Variants in CORIN observed in about 807,000 individuals in gnomAD.
CORIN encodes the protein atrial natriuretic peptide-converting enzyme.
A neutral mutation model predicts 125.3 loss-of-function variants in CORIN; 117 were observed. That is an observed-to-expected ratio of 0.93 (90% CI 0.80 to 1.09). CORIN has a LOEUF of 1.09. Among genes scored for constraint, CORIN ranks in the 50% least tolerant of loss-of-function variants. CORIN has a pLI of 0.00. For missense variants in CORIN, 1,253 were observed against 1,306.7 expected (o/e 0.96, Z 0.63); for synonymous variants, 450 against 466.4 (o/e 0.96, Z 0.45).
intron 19 of CORIN, among the ~76,000 whole-genome samples, chr4:47,623,117 T>TATACACACAC (rs141525347): frequency 7.4e-6 from 1 of 134,550 alleles, no homozygotes; most frequent in Non-Finnish European, 1.5e-5. Flanking sequence ...TATATATATA[T>TATACACACAC]ACACACACAC....
At chr4:47,690,996 T>C (rs1204303251) in intron 6 of CORIN, among the ~76,000 whole-genome samples, 1 of 152,228 alleles carries the variant, frequency 6.6e-6, no homozygotes, top group East Asian at 1.9e-4. Flanking sequence ...GATATGTTCA[T>C]GGGAAAGGGC....
At position 47,665,058 on chromosome 4, in the gene CORIN, A is replaced by G; in HGVS notation, c.1563T>C (p.Asn521=). The part of the protein sequence containing the change: ...CTILVPKCDV[N]TGEHIPPCRA... ...TGCAAGGAGGGATATGCTCGCCTGT[A>G]TTCACATCACATTTTGGTACCAAAA... is the stretch of plus-strand genomic sequence containing the variant. Residue 521 remains asparagine (N), a synonymous_variant, in exon 11 of 22, where the codon AAT becomes AAC. Transcript: ENST00000273857. The G allele has an allele frequency of 6.2e-7, 1 of 1,612,408 alleles. No homozygotes were observed. The highest frequency in any genetic ancestry group is 1.1e-5 in the South Asian group (1 of 91,050).
chr4:47,714,110 T>G (rs1726982309), intron 5 of CORIN, among the ~76,000 whole-genome samples: 1 of 152,184 alleles, frequency 6.6e-6, no homozygotes, highest in African/African-American at 2.4e-5. Context: ...TCTCAACACC[T>G]TACTCTTTAA....
chr4:47,767,759 C>T (rs569229094), intron 3 of CORIN, among the ~76,000 whole-genome samples: 94 of 152,278 alleles, frequency 6.2e-4, no homozygotes, highest in African/African-American at 2.2e-3. Flanking sequence ...ATCGACACCA[C>T]ATAAATGCAA....
chr4:47,623,881 C>T lies in CORIN; in HGVS notation c.2365+18G>A. ...CAATTAAGTTCATATCCCATTGCCA[C>T]ACCTCTAATTCTCTCACCTTGTTTA... is the stretch of plus-strand genomic sequence containing the variant. On this transcript the variant is annotated intron_variant, in intron 18 of 21. Transcript: ENST00000273857. 1 of 1,612,360 alleles carries T rather than the reference C, an allele frequency of 6.2e-7. No homozygotes were observed. Among genetic ancestry groups the T allele is most frequent in the Non-Finnish European group, 8.5e-7 (1 of 1,178,372 alleles).
At chr4:47,762,946 C>G (rs1023514414) in intron 4 of CORIN, among the ~76,000 whole-genome samples, 3 of 152,192 alleles carry the variant, frequency 2.0e-5, no homozygotes, top group Non-Finnish European at 4.4e-5. Context: ...CTAACTCTCT[C>G]TAGGTGCTAC....
chr4:47,795,156 T>C (rs1226764957), intron 2 of CORIN, among the ~76,000 whole-genome samples: 1 of 152,144 alleles, frequency 6.6e-6, no homozygotes, highest in Non-Finnish European at 1.5e-5. Flanking sequence ...TATATGTCTG[T>C]TTCTATTCTA....
intron 13 of CORIN, among the ~76,000 whole-genome samples, chr4:47,651,590 C>T (rs957191563): frequency 2.0e-5 from 3 of 152,222 alleles, no homozygotes; most frequent in African/African-American, 7.2e-5. Context: ...GAAAACTTCT[C>T]ATAAATTAGT....
At chr4:47,792,443 G>T (rs1235881595) in intron 2 of CORIN, among the ~76,000 whole-genome samples, 4 of 152,210 alleles carry the variant, frequency 2.6e-5, no homozygotes, top group Non-Finnish European at 5.9e-5. Context: ...AGTGAGAAAA[G>T]AGTAAGGCCT....
intron 5 of CORIN, 125 bp from the exon 6 acceptor site, chr4:47,693,208 A>C (rs1009248942): frequency 6.0e-6 from 4 of 663,954 alleles, no homozygotes; most frequent in Non-Finnish European, 1.0e-5. Flanking sequence ...AAATTCCCTC[A>C]GTTTTATTGT....
chr4:47,784,119 T>C (rs892383229), intron 3 of CORIN, among the ~76,000 whole-genome samples: 1 of 152,146 alleles, frequency 6.6e-6, no homozygotes, highest in African/African-American at 2.4e-5. Context: ...TGCTACTACC[T>C]GTCTGGTGTA....
At chr4:47,675,570 GT>G in intron 9 of CORIN, among the ~76,000 whole-genome samples, 1 of 152,174 alleles carries the variant, frequency 6.6e-6, no homozygotes, top group Middle Eastern at 3.4e-3. Context: ...CAAATATTAA[GT>G]GCATGCCATG....
At chr4:47,714,098 A>G (rs1439267630) in intron 5 of CORIN, among the ~76,000 whole-genome samples, 1 of 152,204 alleles carries the variant, frequency 6.6e-6, no homozygotes, top group African/African-American at 2.4e-5. Flanking sequence ...GCTGTCTCTG[A>G]GTCTCAACAC....
intron 4 of CORIN, among the ~76,000 whole-genome samples, chr4:47,761,208 C>G (rs1729438079): frequency 6.6e-6 from 1 of 152,182 alleles, no homozygotes; most frequent in Admixed American, 6.5e-5. Context: ...GTGCAAGAGG[C>G]CTAGCTTTCA....
chr4:47,770,383 G>A (rs1262697057), intron 3 of CORIN, among the ~76,000 whole-genome samples: 1 of 152,182 alleles, frequency 6.6e-6, no homozygotes, highest in Non-Finnish European at 1.5e-5. Flanking sequence ...ACAAGTGCTG[G>A]TGAGGATGTG....
chr4:47,744,779 T>C (rs887746595), intron 4 of CORIN, among the ~76,000 whole-genome samples, 196 bp from the exon 5 acceptor site: 5 of 152,202 alleles, frequency 3.3e-5, no homozygotes, highest in African/African-American at 9.7e-5. Context: ...CTAGAAGAAA[T>C]AGCTAGTTCC....
intron 3 of CORIN, among the ~76,000 whole-genome samples, chr4:47,779,333 C>T (rs971856485): frequency 1.3e-5 from 2 of 152,092 alleles, no homozygotes; most frequent in Non-Finnish European, 2.9e-5. Context: ...AATTAGACTC[C>T]CTTTCTCAAA....
At chr4:47,801,820 C>T (rs925657522) in intron 2 of CORIN, among the ~76,000 whole-genome samples, 1 of 152,204 alleles carries the variant, frequency 6.6e-6, no homozygotes, top group Non-Finnish European at 1.5e-5. Context: ...GAGGGACAGC[C>T]TAGGCCACAA....
intron 3 of CORIN, among the ~76,000 whole-genome samples, chr4:47,782,366 C>G (rs1730592814): frequency 7.2e-6 from 1 of 138,786 alleles, no homozygotes; most frequent in Admixed American, 7.6e-5. Flanking sequence ...GCCTGGGCAA[C>G]AGAGCAAGAC....
Sources: gnomAD v4.1 joint callset for allele counts (sites outside exome capture counted in the v4.1 genomes callset) on GRCh38, gnomAD v4.1.1 for gene constraint, MANE v1.5 for transcripts, NCBI Gene and HGNC (gene_info 2026-07-23, HGNC 2026-07-21) for gene names.